FAM13A: variants seen among roughly 807,000 people sequenced by gnomAD.
FAM13A encodes protein FAM13A.
Under a neutral mutation model 129.6 loss-of-function variants are expected in FAM13A, and 76 were observed. The observed-to-expected ratio is 0.59, with a 90% confidence interval of 0.49 to 0.71. The LOEUF (loss-of-function observed/expected upper bound fraction) is 0.71, where lower values mean the gene tolerates loss of function less well. Among genes scored for constraint, FAM13A ranks in the 30% least tolerant of loss-of-function variants. The pLI, the probability that FAM13A is intolerant of heterozygous loss-of-function variation, is 0.00. For missense variants in FAM13A, 1,108 were observed against 1,249.3 expected (o/e 0.89, Z 1.70); for synonymous variants, 443 against 449.9 (o/e 0.98, Z 0.20).
intron 3 of FAM13A, among the ~76,000 whole-genome samples, chr4:89,009,819 T>C (rs371848337): frequency 2.0e-5 from 3 of 152,210 alleles, no homozygotes; most frequent in Admixed American, 6.5e-5. Context: ...CTAGTCTGGG[T>C]TGAGCGGTCT....
chr4:88,913,318 AGAG>A (rs879863934), intron 5 of FAM13A, among the ~76,000 whole-genome samples: 62 of 137,898 alleles, frequency 4.5e-4, no homozygotes, highest in Non-Finnish European at 7.9e-4. Flanking sequence ...AAGAGGAAGA[AGAG>A]GAGGAGGAAG....
intron 4 of FAM13A, among the ~76,000 whole-genome samples, chr4:88,944,918 A>G (rs570824387): frequency 9.9e-5 from 15 of 150,948 alleles, no homozygotes; most frequent in Non-Finnish European, 2.1e-4. Flanking sequence ...AAAAAAAAAA[A>G]GTTCAATCTG....
intron 6 of FAM13A, among the ~76,000 whole-genome samples, chr4:88,892,582 G>C (rs936408526): frequency 9.2e-5 from 14 of 152,164 alleles, no homozygotes; most frequent in African/African-American, 3.4e-4. Flanking sequence ...TCACTTTCAA[G>C]TCTTTATTAA....
intron 1 of FAM13A, among the ~76,000 whole-genome samples, chr4:89,050,339 A>G (rs1037790956): frequency 3.9e-5 from 6 of 151,986 alleles, no homozygotes; most frequent in African/African-American, 1.4e-4. Context: ...AGAAGCTGGG[A>G]TCACAGGTGT....
intron 14 of FAM13A, among the ~76,000 whole-genome samples, chr4:88,756,745 T>TC (rs1388549572): frequency 1.3e-5 from 2 of 152,222 alleles, no homozygotes; most frequent in Non-Finnish European, 2.9e-5. Context: ...CTTATTGCTC[T>TC]CGTTTTATGC....
chr4:88,826,936 T>C (rs1733099650), intron 7 of FAM13A, among the ~76,000 whole-genome samples: 1 of 152,164 alleles, frequency 6.6e-6, no homozygotes, highest in Admixed American at 6.6e-5. Context: ...TCCCTCAGTA[T>C]TAGAAAGTGC....
At chr4:88,838,758 C>CT (rs1442229196) in intron 7 of FAM13A, among the ~76,000 whole-genome samples, 1 of 151,830 alleles carries the variant, frequency 6.6e-6, no homozygotes, top group African/African-American at 2.4e-5. Context: ...AAAGAAAATA[C>CT]ACATTTTTAG....
chr4:89,054,926 C>A (rs560494855), intron 1 of FAM13A, among the ~76,000 whole-genome samples: 9 of 152,226 alleles, frequency 5.9e-5, no homozygotes, highest in Admixed American at 2.0e-4. Context: ...TTATTTACTA[C>A]CTCTCTAAAA....
At chr4:88,748,784 A>G (rs967214685) in intron 17 of FAM13A, among the ~76,000 whole-genome samples, 168 bp downstream of exon 17, 1 of 152,346 alleles carries the variant, frequency 6.6e-6, no homozygotes, top group Admixed American at 6.5e-5. Flanking sequence ...CCTGTGACTG[A>G]GACCATGTGA....
chr4:88,981,840 C>T (rs531791776), intron 4 of FAM13A, among the ~76,000 whole-genome samples: 2 of 152,036 alleles, frequency 1.3e-5, no homozygotes, highest in East Asian at 1.9e-4. Context: ...ATGGGAAGAA[C>T]AAAAAAAGTC....
intron 1 of FAM13A, among the ~76,000 whole-genome samples, chr4:89,055,097 T>G (rs983761484): frequency 5.3e-5 from 8 of 152,228 alleles, no homozygotes; most frequent in Non-Finnish European, 8.8e-5. Flanking sequence ...GCCAATTGTT[T>G]CAATAAAATT....
chr4:88,785,658 G>C (rs1363718862), intron 10 of FAM13A, among the ~76,000 whole-genome samples: 1 of 152,188 alleles, frequency 6.6e-6, no homozygotes, highest in African/African-American at 2.4e-5. Flanking sequence ...CCAGCATGAA[G>C]ATAAGGGGAG....
At chr4:88,975,293 T>C (rs1223752434) in intron 4 of FAM13A, among the ~76,000 whole-genome samples, 3 of 152,114 alleles carry the variant, frequency 2.0e-5, no homozygotes, top group South Asian at 2.1e-4. Flanking sequence ...GCTGTGCAAG[T>C]AGAAGGTAGA....
chr4:88,941,239 T>C (rs1024965502), intron 4 of FAM13A, among the ~76,000 whole-genome samples: 4 of 152,172 alleles, frequency 2.6e-5, no homozygotes, highest in Non-Finnish European at 4.4e-5. Flanking sequence ...AGAGAAAATA[T>C]CCAACTTCCC....
At chr4:88,787,954 T>C in intron 9 of FAM13A, 22 bp from the exon 10 acceptor site, 2 of 1,601,128 alleles carry the variant, frequency 1.2e-6, no homozygotes, top group Non-Finnish European at 1.7e-6. Context: ...GAATGCAGAG[T>C]CATTCAAGCA....
At chr4:88,822,220 G>A (rs1732099285) in intron 7 of FAM13A, among the ~76,000 whole-genome samples, 1 of 152,112 alleles carries the variant, frequency 6.6e-6, no homozygotes. Flanking sequence ...ATCCTAAAAT[G>A]TGACCTTGGG....
intron 7 of FAM13A, among the ~76,000 whole-genome samples, chr4:88,831,633 G>A (rs1395731977): frequency 6.6e-6 from 1 of 152,036 alleles, no homozygotes; most frequent in Non-Finnish European, 1.5e-5. Context: ...AAAAATAAGG[G>A]GAAGTAATAA....
chr4:89,006,557 C>A (rs533444760), intron 3 of FAM13A, among the ~76,000 whole-genome samples: 83 of 152,298 alleles, frequency 5.4e-4, no homozygotes, highest in African/African-American at 1.9e-3. Context: ...GCTCCACCCC[C>A]AAGGTAGCGT....
chr4:88,920,709 T>A (rs999260417), intron 5 of FAM13A, among the ~76,000 whole-genome samples: 8 of 152,102 alleles, frequency 5.3e-5, no homozygotes, highest in African/African-American at 1.9e-4. Context: ...GAGAACAACT[T>A]TGACGAGTTG....
Sources: allele counts gnomAD v4.1 joint callset (sites outside exome capture counted in the v4.1 genomes callset), GRCh38; gene constraint gnomAD v4.1.1; transcripts MANE v1.5; gene names NCBI Gene and HGNC (gene_info 2026-07-23, HGNC 2026-07-21).